Variants in GALNT8 observed in about 807,000 individuals in gnomAD.
The protein encoded by GALNT8 is polypeptide N-acetylgalactosaminyltransferase 8.
Under a neutral mutation model 62.7 loss-of-function variants are expected in GALNT8, and 66 were observed. The ratio of observed to expected loss-of-function variants is 1.05; its 90% CI spans 0.86 to 1.29. The LOEUF is 1.29. GALNT8 is among the 50% of genes most tolerant of loss of function. GALNT8 has a pLI of 0.00. For missense variants in GALNT8, 771 were observed against 791.8 expected, an observed-to-expected ratio of 0.97 and a Z score of 0.32; for synonymous variants, 288 against 294.3, an observed-to-expected ratio of 0.98 and a Z score of 0.22.
rs541964675 is a variant in GALNT8, at chr12:4,726,814, A to G, written c.494A>G (p.Asp165Gly). The G allele has an allele frequency of 6.2e-7, 1 of 1,612,372 alleles. No homozygotes were observed. The highest frequency in any genetic ancestry group is 1.1e-5 in the South Asian group (1 of 90,838). ...NQLPLNRTIP[D>G]TRDYRCLRKT... ...CTGCCTCTCAATCGCACCATCCCCG[A>G]CACGCGAGACTACAGGTGGGATGAA... The change falls in exon 2 of 11, where the codon GAC becomes GGC. Residue 165 changes from aspartate (D) to glycine (G), a missense_variant. Asp to Gly is a moderately conservative substitution (Grantham distance 94). Transcript: ENST00000252318. This position sits in a 1 kb window ranked among gnomAD's most constrained non-coding sequence, Gnocchi z 4.1.
At chr12:4,770,996 G>A (rs1013501157) in intron 10 of GALNT8, among the ~76,000 whole-genome samples, 3 of 152,218 alleles carry the variant, frequency 2.0e-5, no homozygotes, top group Admixed American at 1.3e-4. Context: ...GGCTGCTGGC[G>A]GGTGAGGCGG....
At chr12:4,739,645 CTTTT>C (rs896534414) in intron 3 of GALNT8, among the ~76,000 whole-genome samples, 1 of 141,468 alleles carries the variant, frequency 7.1e-6, no homozygotes, top group Non-Finnish European at 1.6e-5. Flanking sequence ...ACCTGTACCT[CTTTT>C]TTTTTTTTTC....
chr12:4,745,743 G>C, intron 5 of GALNT8, 117 bp downstream of exon 5: 2 of 746,514 alleles, frequency 2.7e-6, no homozygotes, highest in Non-Finnish European at 4.7e-6. Context: ...GAGGGGAGGG[G>C]ATGAGGTGAA....
intron 4 of GALNT8, among the ~76,000 whole-genome samples, chr12:4,745,115 C>T (rs967385276): frequency 3.9e-5 from 6 of 152,232 alleles, no homozygotes; most frequent in South Asian, 2.1e-4. Flanking sequence ...ACTTTGGAAA[C>T]GGAGAACCAA....
At chr12:4,765,665 G>C (rs1322531630) in intron 10 of GALNT8, 119 bp downstream of exon 10, 1 of 680,308 alleles carries the variant, frequency 1.5e-6, no homozygotes, top group Admixed American at 3.2e-5. Context: ...TGAGGCTACT[G>C]ACAGAAAAGA....
intron 9 of GALNT8, among the ~76,000 whole-genome samples, 190 bp downstream of exon 9, chr12:4,764,237 C>T (rs893909201): frequency 4.6e-5 from 7 of 152,208 alleles, no homozygotes; most frequent in Non-Finnish European, 8.8e-5. Flanking sequence ...GCCGTGGCAA[C>T]GTAGTTCCAT....
chr12:4,726,822 G>A lies in GALNT8; in HGVS notation c.502G>A (p.Asp168Asn). The change falls in exon 2 of 11, where the codon GAC becomes AAC. Residue 168 changes from aspartate to asparagine, a missense_variant. Transcript: ENST00000252318. The surrounding 1 kb of genome is among the most constrained non-coding windows in gnomAD (Gnocchi z 4.1). Reference protein sequence around the residue: ...PLNRTIPDTRDYRCLRKTYPS... With the variant: ...PLNRTIPDTRNYRCLRKTYPS... ...CAATCGCACCATCCCCGACACGCGA[G>A]ACTACAGGTGGGATGAACCAGGCTT... 1 of 1,609,438 alleles carries A rather than the reference G, an allele frequency of 6.2e-7. No individual in the cohort carries two copies. The highest frequency in any genetic ancestry group is 2.2e-5 in the East Asian group (1 of 44,794).
chr12:4,740,153 C>G (rs1324546374), intron 3 of GALNT8, among the ~76,000 whole-genome samples: 1 of 152,114 alleles, frequency 6.6e-6, no homozygotes, highest in African/African-American at 2.4e-5. Flanking sequence ...ACAGCTCTTG[C>G]CCACAGGGTG....
chr12:4,739,665 C>CT (rs1946262720), intron 3 of GALNT8, among the ~76,000 whole-genome samples: 1 of 140,544 alleles, frequency 7.1e-6, no homozygotes, highest in African/African-American at 2.6e-5. Flanking sequence ...TTTTCTTTTT[C>CT]TTTTTCTTTT....
At chr12:4,756,559 A>G (rs6489567) in intron 6 of GALNT8, among the ~76,000 whole-genome samples, 60,077 of 152,046 alleles carry the variant, frequency 0.4, 12,080 homozygotes, top group Admixed American at 0.44. Flanking sequence ...CTAAGCTTCT[A>G]TAAGATGACC....
At chr12:4,762,925 A>C (rs1946379409) in intron 7 of GALNT8, among the ~76,000 whole-genome samples, 1 of 152,262 alleles carries the variant, frequency 6.6e-6, no homozygotes, top group African/African-American at 2.4e-5. Flanking sequence ...ACCAAAAAAA[A>C]GGGAAGTGAC....
intron 6 of GALNT8, among the ~76,000 whole-genome samples, chr12:4,757,101 T>A (rs1371548606): frequency 6.6e-6 from 1 of 152,186 alleles, no homozygotes; most frequent in African/African-American, 2.4e-5. Flanking sequence ...GTGCCTTGCT[T>A]CCCCTTTGCC....
rs748634870 is a variant in GALNT8 at position 4,720,832 on chromosome 12, G to A, written c.155G>A (p.Arg52His). 1.2e-6 allele frequency: 2 copies of A among 1,611,956 alleles called. No homozygotes were observed. Among genetic ancestry groups the A allele is most frequent in the Non-Finnish European group, 1.7e-6 (2 of 1,178,056 alleles). The change falls in exon 1 of 11, where the codon CGC (arginine) becomes CAC (histidine). Residue 52 changes from arginine to histidine, a missense_variant. Physicochemically the swap from Arg to His is conservative, Grantham distance 29. Coordinates refer to ENST00000252318, the MANE Select transcript of GALNT8 (RefSeq NM_017417.2). ...HRELPLHLNK[R>H]YGAVIKRLSH... Reference sequence around the variant, plus strand: ...GAGCTTCCTTTACATCTGAATAAACGCTACGGGGCAGTGATAAAGAGACTC... The same window carrying A: ...GAGCTTCCTTTACATCTGAATAAACACTACGGGGCAGTGATAAAGAGACTC...
At chr12:4,746,111 A>G in intron 5 of GALNT8, 33 bp from the exon 6 acceptor site, 1 of 1,243,806 alleles carries the variant, frequency 8.0e-7, no homozygotes, top group Admixed American at 1.7e-5. Flanking sequence ...CTCCTTATGG[A>G]GAGATTAGTG....
At chr12:4,761,284 T>TCTTA (rs1219927578) in intron 7 of GALNT8, 141 bp downstream of exon 7, 1 of 649,548 alleles carries the variant, frequency 1.5e-6, no homozygotes, top group Admixed American at 2.8e-5. Context: ...TAATAATGGC[T>TCTTA]CTTAACATTT....
chr12:4,765,534 G>A lies in GALNT8; in HGVS notation c.1749G>A (p.Trp583Ter). 1 of 1,599,928 alleles carries A rather than the reference G, an allele frequency of 6.3e-7. No individual in the cohort carries two copies. The highest frequency in any genetic ancestry group is 2.2e-5 in the East Asian group (1 of 44,778). Residue 583 changes from tryptophan (W) to a stop codon, truncating the protein, a stop_gained, in exon 10 of 11, where the codon TGG (tryptophan) becomes TGA (stop). Transcript: ENST00000252318. LOFTEE classifies it low-confidence loss of function (END_TRUNC). ...KAAKNRLHIYWDFKPGGAVIN... is the reference protein window; with the variant it reads ...KAAKNRLHIY ...CTAAGAATAGACTGCATATATATTG[G>A]GATTTTAAACCGGTGAGTTATGTGT...
At position 4,764,050 on chromosome 12, in the gene GALNT8, A is replaced by G. The variant is rs1565390059; in HGVS notation, c.1593+3A>G. 2.1e-6 allele frequency: 3 copies of G among 1,442,550 alleles called. No homozygotes were observed. Among genetic ancestry groups the G allele is most frequent in the East Asian group, 2.3e-5 (1 of 44,104 alleles). The allele number at this position is 1,442,550 out of a possible 1,614,324, so 89.4% of individuals were successfully genotyped here. ...ACTGCCATGAATTCAGCTCACAGGT[A>G]TCTTCCACAATCTTCCTGGCCCTGC... On this transcript the variant is annotated splice_donor_region_variant and intron_variant, in intron 9 of 10. Coordinates refer to ENST00000252318, the MANE Select transcript of GALNT8 (RefSeq NM_017417.2).
At chr12:4,758,231 T>C (rs376063534) in intron 6 of GALNT8, among the ~76,000 whole-genome samples, 4 of 152,254 alleles carry the variant, frequency 2.6e-5, no homozygotes, top group African/African-American at 9.6e-5. Flanking sequence ...CTTATTAGGA[T>C]TTTTCTCCAG....
At position 4,720,814 on chromosome 12, in the gene GALNT8, C is replaced by A; in HGVS notation, c.137C>A (p.Pro46His). Residue 46 changes from proline (P) to histidine (H), a missense_variant, in exon 1 of 11, where the codon CCT becomes CAT. Coordinates refer to ENST00000252318, the MANE Select transcript of GALNT8 (RefSeq NM_017417.2). ...ACGGGTGGTCTCCACAGGGAGCTTCCTTTACATCTGAATAAACGCTACGGG... is the reference window on the plus strand; with the variant it reads ...ACGGGTGGTCTCCACAGGGAGCTTCATTTACATCTGAATAAACGCTACGGG... ...LFTGGLHREL[P>H]LHLNKRYGAV... The A allele has an allele frequency of 6.2e-7, 1 of 1,612,242 alleles. No homozygotes were observed. Among genetic ancestry groups the A allele is most frequent in the Non-Finnish European group, 8.5e-7 (1 of 1,178,302 alleles).
Sources: gnomAD v4.1 joint callset for allele counts (sites outside exome capture counted in the v4.1 genomes callset) on GRCh38, gnomAD v4.1.1 for gene constraint, Gnocchi (gnomAD v3.1) non-coding constraint, MANE v1.5 for transcripts, NCBI Gene and HGNC (gene_info 2026-07-23, HGNC 2026-07-21) for gene names.